Variants in DNAH10 observed in about 807,000 individuals in gnomAD.
The protein encoded by DNAH10 is axonemal beta dynein heavy chain 10.
In DNAH10, 348 loss-of-function variants were observed where a neutral mutation model predicts 506.6. The observed-to-expected ratio is 0.69, with a 90% CI of 0.63 to 0.75. The LOEUF (loss-of-function observed/expected upper bound fraction) is 0.75, where lower values mean the gene tolerates loss of function less well. Among genes scored for constraint, DNAH10 ranks in the 30% least tolerant of loss-of-function variants. The pLI is 0.00. For synonymous variants in DNAH10, 2,059 were observed against 2,198.6 expected (o/e 0.94, Z 1.78); for missense variants, 5,179 against 5,787.1 (o/e 0.89, Z 3.41).
In DNAH10 at chr12:123,902,473, A is replaced by C. The variant is rs145483412; in HGVS notation, c.9641-466A>C. On this transcript the variant is annotated intron_variant, in intron 56 of 78. Transcript: ENST00000673944. This position sits in a 1 kb window ranked among gnomAD's most constrained non-coding sequence, Gnocchi z 4.5. ...CCGATTGCGATTGGTGTCATGAAGCAAGTCAGCAAGGAAGGGAGAGAGAGG... is the reference window on the plus strand; with the variant it reads ...CCGATTGCGATTGGTGTCATGAAGCCAGTCAGCAAGGAAGGGAGAGAGAGG... Among the ~76,000 whole-genome samples the C allele has an allele frequency of 2.6e-5, 4 of 152,298 alleles. No individual in the cohort carries two copies. In the East Asian group the frequency reaches 7.7e-4, roughly 29 times the overall value.
Position 123,894,696 on chromosome 12 carries a change from CT to C in DNAH10, c.9254del (p.Leu3085ProfsTer9). 2 of 1,614,050 alleles carry C rather than the reference CT, an allele frequency of 1.2e-6. No individual in the cohort carries two copies. Among genetic ancestry groups the C allele is most frequent in the Non-Finnish European group, 1.7e-6 (2 of 1,179,898 alleles). ...DWFMPWPPQA[L>X]HAVAKSFLGY... The stretch of plus-strand genomic sequence containing the variant: ...GTTCATGCCCTGGCCTCCCCAAGCC[CT>C]CCATGCGGTCGCAAAGTCCTTTCTA... On this transcript the variant is annotated frameshift_variant, in exon 54 of 79. Transcript: ENST00000673944. LOFTEE classifies it high-confidence loss of function.
At chr12:123,892,922 C>T (rs1328991897) in intron 52 of DNAH10, among the ~76,000 whole-genome samples, 1 of 152,238 alleles carries the variant, frequency 6.6e-6, no homozygotes, top group Admixed American at 6.5e-5. Context: ...CAAATCCCAG[C>T]TGAGAATCCC....
intron 15 of DNAH10, 139 bp from the exon 16 acceptor site, chr12:123,801,142 T>A (rs1958467256): frequency 2.5e-6 from 2 of 815,274 alleles, no homozygotes. Flanking sequence ...AGAAGAGTGA[T>A]GTTTTAAATT....
At chr12:123,878,005 T>C (rs758714121) in intron 48 of DNAH10, 97 bp downstream of exon 48, 42 of 1,403,482 alleles carry the variant, frequency 3.0e-5, no homozygotes, top group Non-Finnish European at 4.0e-5. Flanking sequence ...TGATGAATCG[T>C]TGTATGAATT....
chr12:123,924,626 C>G (rs1368616960), intron 67 of DNAH10, among the ~76,000 whole-genome samples, 194 bp downstream of exon 67: 2 of 151,828 alleles, frequency 1.3e-5, no homozygotes, highest in Non-Finnish European at 2.9e-5. Context: ...ATCCAACCAT[C>G]TACCTGTCCG....
intron 31 of DNAH10, 47 bp downstream of exon 31, chr12:123,845,916 G>A: frequency 6.2e-7 from 1 of 1,612,436 alleles, no homozygotes; most frequent in South Asian, 1.1e-5. Flanking sequence ...GACCCTTTGT[G>A]GTCCGCTGAT....
At chr12:123,836,418 T>C (rs138555351) in intron 28 of DNAH10, among the ~76,000 whole-genome samples, 2 of 152,364 alleles carry the variant, frequency 1.3e-5, no homozygotes, top group South Asian at 4.1e-4. Flanking sequence ...TAATGCTTTT[T>C]CCATAGTTAG....
At chr12:123,910,804 C>T (rs1268778132) in intron 59 of DNAH10, 132 bp downstream of exon 59, 15 of 1,206,494 alleles carry the variant, frequency 1.2e-5, no homozygotes, top group South Asian at 4.8e-5. Flanking sequence ...TTTCCCTCCA[C>T]CACCCAATAA....
At chr12:123,793,525 A>G (rs893192328) in intron 11 of DNAH10, among the ~76,000 whole-genome samples, 1 of 152,094 alleles carries the variant, frequency 6.6e-6, no homozygotes, top group East Asian at 1.9e-4. Flanking sequence ...TTGTTAGTAG[A>G]GACGGGGTTT....
At chr12:123,767,200 G>A (rs752698492) in intron 1 of DNAH10, among the ~76,000 whole-genome samples, 5 of 152,138 alleles carry the variant, frequency 3.3e-5, no homozygotes, top group Non-Finnish European at 7.4e-5. Flanking sequence ...GAGCCACTGC[G>A]CCTGGCCTCC....
intron 19 of DNAH10, among the ~76,000 whole-genome samples, chr12:123,810,669 G>A (rs1958897391): frequency 6.6e-6 from 1 of 152,094 alleles, no homozygotes; most frequent in Admixed American, 6.5e-5. Flanking sequence ...CTCCAGCCTG[G>A]GCGACAGGGT....
intron 13 of DNAH10, among the ~76,000 whole-genome samples, chr12:123,798,174 C>T (rs970572292): frequency 3.3e-5 from 5 of 152,210 alleles, no homozygotes; most frequent in Non-Finnish European, 7.3e-5. Flanking sequence ...CTGTGGTTTG[C>T]AGAAGGCTGC....
At chr12:123,864,799 AAGT>A in intron 40 of DNAH10, 69 bp downstream of exon 40, 1 of 1,510,544 alleles carries the variant, frequency 6.6e-7, no homozygotes, top group East Asian at 2.4e-5. Context: ...ATGTTTGTTA[AAGT>A]AGTAGTAAAT....
At chr12:123,894,552 C>G (rs1953133308) in intron 53 of DNAH10, 91 bp from the exon 54 acceptor site, 1 of 1,218,632 alleles carries the variant, frequency 8.2e-7, no homozygotes, top group Non-Finnish European at 1.2e-6. Flanking sequence ...GCCACCACAC[C>G]CGGCCCTGAT....
intron 37 of DNAH10, among the ~76,000 whole-genome samples, chr12:123,857,940 C>T (rs1951462800): frequency 6.6e-6 from 1 of 152,184 alleles, no homozygotes; most frequent in South Asian, 2.1e-4. Context: ...TAGGTACCTC[C>T]TGTAAGTAGA....
chr12:123,809,053 G>C lies in DNAH10; in HGVS notation c.3144+100G>C. On this transcript the variant is annotated intron_variant, in intron 19 of 78. Transcript: ENST00000673944. ...ATAGGCGTGAGCCACTGCCCAAGGT[G>C]GAATTCTTGACCTTCTGCCTTGTGA... The C allele has an allele frequency of 6.4e-6, 9 of 1,395,662 alleles. No homozygotes were observed. In the South Asian group the frequency reaches 1.1e-4, roughly 17 times the overall value. 86.5% of individuals were successfully genotyped at this position (1,395,662 alleles called of 1,614,324 possible).
intron 44 of DNAH10, among the ~76,000 whole-genome samples, chr12:123,870,792 T>C (rs190977488): frequency 6.6e-6 from 1 of 152,290 alleles, no homozygotes; most frequent in East Asian, 1.9e-4. Context: ...CTGGGCTCTC[T>C]TCAGTCCACA....
At chr12:123,885,189 G>A (rs1408144025) in intron 51 of DNAH10, among the ~76,000 whole-genome samples, 1 of 152,140 alleles carries the variant, frequency 6.6e-6, no homozygotes, top group Non-Finnish European at 1.5e-5. Context: ...AGGAAGTCAG[G>A]GACCATATGT....
At chr12:123,807,156 C>T (rs543776063) in intron 18 of DNAH10, among the ~76,000 whole-genome samples, 63 of 151,842 alleles carry the variant, frequency 4.1e-4, no homozygotes, top group African/African-American at 1.4e-3. Context: ...TCCATCTGTT[C>T]ATTCACTCAT....
Sources: allele counts gnomAD v4.1 joint callset (sites outside exome capture counted in the v4.1 genomes callset), GRCh38; gene constraint gnomAD v4.1.1; non-coding constraint Gnocchi (gnomAD v3.1); transcripts MANE v1.5; gene names NCBI Gene and HGNC (gene_info 2026-07-23, HGNC 2026-07-21).